TCOF1: variants seen among roughly 807,000 people sequenced by gnomAD.
TCOF1 encodes treacle ribosome biogenesis factor 1, also known as treacle protein.
Under a neutral mutation model 149.0 loss-of-function variants are expected in TCOF1, and 33 were observed. That is an observed-to-expected ratio of 0.22 (90% CI 0.17 to 0.30). The LOEUF is 0.30. Ranked by LOEUF, TCOF1 falls within the 10% of genes least tolerant of loss-of-function variation. The probability of loss-of-function intolerance (pLI) is 1.00; values close to 1 mark genes in which losing one functional copy is unlikely to be tolerated. For synonymous variants in TCOF1, 789 were observed against 738.8 expected (o/e 1.07, Z -1.10); for missense variants, 1,728 against 1,840.7 (o/e 0.94, Z 1.12).
chr5:150,376,225 C>G lies in TCOF1; in HGVS notation c.2037C>G (p.Ser679=). The G allele has an allele frequency of 6.2e-7, 1 of 1,614,242 alleles. No homozygotes were observed. Among genetic ancestry groups the G allele is most frequent in the East Asian group, 2.2e-5 (1 of 44,888 alleles). The change falls in exon 13 of 27, where the codon TCC becomes TCG. Residue 679 remains serine, a synonymous_variant. Transcript: ENST00000643257. ...CTGCGACTTCTCCAGCAGGCTCATC[C>G]CCAGCTGTGGCTGGGGGCACCCAGA... ...AGTATSPAGS[S]PAVAGGTQRP...
intron 17 of TCOF1, among the ~76,000 whole-genome samples, chr5:150,381,662 T>G (rs1053762304): frequency 4.6e-5 from 7 of 152,230 alleles, no homozygotes; most frequent in Non-Finnish European, 1.0e-4. Flanking sequence ...TTTTGGGCTG[T>G]GTAGTTTTTT....
At chr5:150,365,429 A>C (rs938687701) in intron 3 of TCOF1, among the ~76,000 whole-genome samples, 8 of 151,760 alleles carry the variant, frequency 5.3e-5, no homozygotes, top group African/African-American at 1.9e-4. Context: ...AAACGAGTTC[A>C]CTTTGAACTG....
chr5:150,383,170 C>T (rs751918972), intron 17 of TCOF1: 91 of 1,535,106 alleles, frequency 5.9e-5, no homozygotes, highest in Non-Finnish European at 7.8e-5. Flanking sequence ...GCCACTGACC[C>T]AGGTGCGCCA....
Position 150,383,841 on chromosome 5 carries a change from G to A in TCOF1, c.2860-4061G>A, listed in dbSNP as rs929964618. On this transcript the variant is annotated intron_variant, in intron 17 of 26. Transcript: ENST00000643257. The stretch of plus-strand genomic sequence containing the variant: ...CACTGCACCCAGAGCTTAAGCCACA[G>A]TCCTGCTCAGGCTACACCTCCAAGG... 6.4e-6 allele frequency: 10 copies of A among 1,551,108 alleles called. No individual in the cohort carries two copies. The African/African-American group carries it at 1.1e-4, about 17-fold the overall frequency.
At position 150,388,005 on chromosome 5, in the gene TCOF1, G is replaced by A. The variant is rs753946962; in HGVS notation, c.2963G>A (p.Arg988Gln). ...GCTGCAAGCACCCCGAGGAAGGCCC[G>A]AGCCTCGGAGAGCACAGCCAGGAGC... ...AQAASTPRKARASESTARSSS... is the reference protein window; with the variant it reads ...AQAASTPRKAQASESTARSSS... The change falls in exon 18 of 27, where the codon CGA becomes CAA. Residue 988 changes from arginine to glutamine, a missense_variant. By Grantham distance (43) the Arg-to-Gln change is conservative. Transcript: ENST00000643257. The A allele has an allele frequency of 1.5e-5, 25 of 1,613,720 alleles. No individual in the cohort carries two copies. Among genetic ancestry groups the A allele is most frequent in the East Asian group, 1.1e-4 (5 of 44,890 alleles).
At chr5:150,384,748 G>A (rs1002405125) in intron 17 of TCOF1, 2 of 985,390 alleles carry the variant, frequency 2.0e-6, no homozygotes, top group African/African-American at 3.5e-5. Flanking sequence ...GACGGGCATA[G>A]CCCGGGGAAG....
intron 23 of TCOF1, 117 bp downstream of exon 23, chr5:150,393,669 C>A: frequency 7.2e-7 from 1 of 1,385,954 alleles, no homozygotes; most frequent in Non-Finnish European, 1.0e-6. Flanking sequence ...CCCCCAGAGC[C>A]TCTCCAAGTG....
rs559345102 is a variant in TCOF1 at position 150,367,929 on chromosome 5, T to C, written c.378+12T>C. On this transcript the variant is annotated intron_variant, in intron 4 of 26. Transcript: ENST00000643257. ...AAGAAAAAGCCAAGGTGAGTGGGAC[T>C]GCCTTCCAAGCTATTGCCTATGGGA... is the stretch of plus-strand genomic sequence containing the variant. The C allele has an allele frequency of 6.2e-7, 1 of 1,614,068 alleles. No homozygotes were observed. Among genetic ancestry groups the C allele is most frequent in the South Asian group, 1.1e-5 (1 of 91,070 alleles).
At chr5:150,398,511 A>G (rs1769063453) in intron 25 of TCOF1, 60 bp downstream of exon 25, 1 of 1,611,682 alleles carries the variant, frequency 6.2e-7, no homozygotes, top group African/African-American at 1.3e-5. Context: ...GCCCCCTCCT[A>G]CACACCCAGA....
chr5:150,392,316 C>A (rs1382758947), intron 21 of TCOF1, 140 bp downstream of exon 21: 4 of 805,088 alleles, frequency 5.0e-6, no homozygotes, highest in Non-Finnish European at 7.7e-6. Flanking sequence ...GTTTCCCCAC[C>A]TGTACAACTT....
At chr5:150,386,442 G>A (rs534316910) in intron 17 of TCOF1, among the ~76,000 whole-genome samples, 1 of 152,164 alleles carries the variant, frequency 6.6e-6, no homozygotes, top group African/African-American at 2.4e-5. Flanking sequence ...GAGCAGCCGC[G>A]GGGGAGGCTA....
At chr5:150,362,038 CAG>C (rs1301540841) in intron 2 of TCOF1, among the ~76,000 whole-genome samples, 2 of 152,294 alleles carry the variant, frequency 1.3e-5, no homozygotes. Context: ...GGGCTTGACA[CAG>C]GGAGAACAGG....
At chr5:150,390,956 A>G (rs527413417) in intron 19 of TCOF1, among the ~76,000 whole-genome samples, 22 of 152,306 alleles carry the variant, frequency 1.4e-4, no homozygotes, top group African/African-American at 5.3e-4. Context: ...TAAAAACTAG[A>G]GAATAGTGGG....
chr5:150,368,043 G>A (rs1761732286), intron 4 of TCOF1, 126 bp downstream of exon 4: 6 of 1,012,908 alleles, frequency 5.9e-6, no homozygotes, highest in South Asian at 2.8e-5. Context: ...AGCTCAACCT[G>A]TGTCACCAGT....
In TCOF1 at chr5:150,376,181, G is replaced by T. The variant is rs2071240; in HGVS notation, c.1993G>T (p.Ala665Ser). 6.8e-5 allele frequency: 109 copies of T among 1,614,062 alleles called. No individual in the cohort carries two copies. Among genetic ancestry groups the T allele is most frequent in the Non-Finnish European group, 8.9e-5 (105 of 1,180,036 alleles). Residue 665 changes from alanine (A) to serine (S), a missense_variant, in exon 13 of 27, where the codon GCC becomes TCC. Around this residue, in one of 2 missense-constraint regions of TCOF1, gnomAD observed 1,696 missense variants for 1,765.4 expected, o/e 0.96. Coordinates refer to ENST00000643257, the MANE Select transcript of TCOF1 (RefSeq NM_001371623.1). ...KVAPVRVGTQ[A>S]PRKAGTATSP... ...CGCCCCTGTGCGAGTGGGCACCCAAGCCCCCCGGAAAGCAGGAACTGCGAC... is the reference window on the plus strand; with the variant it reads ...CGCCCCTGTGCGAGTGGGCACCCAATCCCCCCGGAAAGCAGGAACTGCGAC...
At chr5:150,398,549 G>C in intron 25 of TCOF1, 98 bp downstream of exon 25, 1 of 1,585,954 alleles carries the variant, frequency 6.3e-7, no homozygotes, top group African/African-American at 1.4e-5. Flanking sequence ...TCCCATTTTC[G>C]GGGCCCAGTC....
chr5:150,399,045 A>G lies in TCOF1; in HGVS notation c.4467A>G (p.Val1489=). 1 of 1,614,262 alleles carries G rather than the reference A, an allele frequency of 6.2e-7. No individual in the cohort carries two copies. Among genetic ancestry groups the G allele is most frequent in the Non-Finnish European group, 8.5e-7 (1 of 1,180,040 alleles). The change falls in exon 26 of 27, where the codon GTA becomes GTG. Residue 1489 remains valine, a synonymous_variant. Transcript: ENST00000643257. Reference sequence around the variant, plus strand: ...AGAAGAAGACAGCAGAGCAGACTGTATGACGAGCACCAGCACCAGGCACAG... The same window carrying G: ...AGAAGAAGACAGCAGAGCAGACTGTGTGACGAGCACCAGCACCAGGCACAG... The part of the protein sequence containing the change: ...KKKKKTAEQT[V]
chr5:150,372,676 C>T (rs1462957602), intron 7 of TCOF1, among the ~76,000 whole-genome samples: 2 of 152,104 alleles, frequency 1.3e-5, no homozygotes, highest in African/African-American at 4.8e-5. Context: ...CAATGGAAGT[C>T]AGAGCAGGAA....
chr5:150,380,112 G>C (rs1764790183), intron 17 of TCOF1: 3 of 260,398 alleles, frequency 1.2e-5, no homozygotes, highest in African/African-American at 2.2e-5. Flanking sequence ...GAAAAACCAG[G>C]GTTTAGGGCC....
Sources: allele counts gnomAD v4.1 joint callset (sites outside exome capture counted in the v4.1 genomes callset), GRCh38; gene constraint gnomAD v4.1.1; regional missense constraint gnomAD v4.1.1; transcripts MANE v1.5; gene names NCBI Gene and HGNC (gene_info 2026-07-23, HGNC 2026-07-21).